The following KSR1 variants were observed in gnomAD, a reference collection of about 807,000 sequenced individuals.
The protein encoded by KSR1 is kinase suppressor of ras 1.
In KSR1, 35 loss-of-function variants were observed where a neutral mutation model predicts 92.9. That is an observed-to-expected ratio of 0.38 (90% confidence interval 0.29 to 0.50). KSR1 has a LOEUF of 0.50. Among genes scored for constraint, KSR1 ranks in the 20% least tolerant of loss-of-function variants. The pLI is 0.94. For synonymous variants in KSR1, 467 were observed against 472.6 expected (o/e 0.99, Z 0.15); for missense variants, 972 against 1,158.5 (o/e 0.84, Z 2.34).
At chr17:27,583,298 T>A (rs1452993266) in intron 4 of KSR1, among the ~76,000 whole-genome samples, 193 bp downstream of exon 4, 2 of 152,268 alleles carry the variant, frequency 1.3e-5, no homozygotes, top group African/African-American at 4.8e-5. Flanking sequence ...TTTGGTTTTG[T>A]ATGTACACGT....
chr17:27,606,462 A>G (rs1028658976), intron 14 of KSR1, among the ~76,000 whole-genome samples: 6 of 152,234 alleles, frequency 3.9e-5, no homozygotes, highest in African/African-American at 1.4e-4. Context: ...AAAAATACAA[A>G]GGAGAGATCA....
At chr17:27,581,003 G>A (rs1410699116) in intron 3 of KSR1, among the ~76,000 whole-genome samples, 2 of 152,146 alleles carry the variant, frequency 1.3e-5, no homozygotes, top group South Asian at 2.1e-4. Context: ...CTGACCTGGT[G>A]ATCTGCAGGA....
chr17:27,479,060 C>G (rs1033410749), intron 1 of KSR1, among the ~76,000 whole-genome samples: 13 of 150,202 alleles, frequency 8.7e-5, no homozygotes, highest in Non-Finnish European at 1.8e-4. Flanking sequence ...GCTCCTCCCT[C>G]CATCTATGCT....
At chr17:27,583,623 G>A (rs187749162) in intron 4 of KSR1, among the ~76,000 whole-genome samples, 4 of 152,188 alleles carry the variant, frequency 2.6e-5, no homozygotes, top group South Asian at 2.1e-4. Context: ...TTGCCCACAC[G>A]CCCAGGAGGG....
chr17:27,582,856 G>A lies in KSR1; in HGVS notation c.731G>A (p.Ser244Asn), dbSNP rs2072820597. 1 of 1,612,956 alleles carries A rather than the reference G, an allele frequency of 6.2e-7. No individual in the cohort carries two copies. Among genetic ancestry groups the A allele is most frequent in the South Asian group, 1.1e-5 (1 of 91,024 alleles). ...PASDSPTPSF[S>N]EGLSDTCIPL... ...TCAGACTCCCCCACCCCCAGCTTCA[G>A]TGAGGGCCTCTCAGACACCTGTATT... Residue 244 changes from serine to asparagine, a missense_variant, in exon 4 of 21, where the codon AGT becomes AAT. Coordinates refer to ENST00000644974, the MANE Select transcript of KSR1 (RefSeq NM_001394583.1).
intron 6 of KSR1, among the ~76,000 whole-genome samples, chr17:27,590,256 T>C (rs548227410): frequency 6.6e-6 from 1 of 152,376 alleles, no homozygotes; most frequent in African/African-American, 2.4e-5. Context: ...CATATCTTAT[T>C]GTACCTTACT....
intron 2 of KSR1, among the ~76,000 whole-genome samples, chr17:27,554,515 T>C (rs1333660435): frequency 6.6e-6 from 1 of 152,232 alleles, no homozygotes; most frequent in Non-Finnish European, 1.5e-5. Flanking sequence ...TGTTGTGAAC[T>C]GCACACGCGA....
rs200085439 is a variant in KSR1, at chr17:27,467,813, G to GTT, written c.231+10953_231+10954dup. Among the ~76,000 whole-genome samples the GTT allele has an allele frequency of 7.7e-3, 1,079 of 139,344 alleles. 17 individuals carry two copies. Among genetic ancestry groups the GTT allele is most frequent in the South Asian group, 0.014 (63 of 4,414 alleles). The allele number at this position is 139,344 out of a possible 152,430, so 91.4% of individuals were successfully genotyped here. A position where few individuals can be genotyped will look rare whatever the true frequency, so the allele number is the denominator to read the frequency against. On this transcript the variant is annotated intron_variant, in intron 1 of 20. Coordinates refer to ENST00000644974, the MANE Select transcript of KSR1 (RefSeq NM_001394583.1). ...ATGCCTAGGTCTGAGTTTATGTTTT[G>GTT]TTTTTTTTTTTTTTTGAGACGGAGT...
chr17:27,468,542 G>C (rs1178229979), intron 1 of KSR1, among the ~76,000 whole-genome samples: 2 of 152,172 alleles, frequency 1.3e-5, no homozygotes, highest in Non-Finnish European at 1.5e-5. Context: ...GGCCAATCTT[G>C]AGTGATCTAG....
In KSR1 at chr17:27,536,626, G is replaced by A. The variant is rs780893474; in HGVS notation, c.232-13942G>A. Among the ~76,000 whole-genome samples the A allele has an allele frequency of 3.1e-4, 47 of 152,314 alleles. 1 individual carries two copies. Among genetic ancestry groups the A allele is most frequent in the Non-Finnish European group, 6.2e-4 (42 of 68,026 alleles). Reference sequence around the variant, plus strand: ...CCTGCAAGATTGAGTGCAGATGCCTGAGTGTGGCATTCCAGGACCTTCTGG... The same window carrying A: ...CCTGCAAGATTGAGTGCAGATGCCTAAGTGTGGCATTCCAGGACCTTCTGG... On this transcript the variant is annotated intron_variant, in intron 1 of 20. Coordinates refer to ENST00000644974, the MANE Select transcript of KSR1 (RefSeq NM_001394583.1).
intron 1 of KSR1, among the ~76,000 whole-genome samples, chr17:27,539,091 TTTTGCCATTAGG>T (rs1246538521): frequency 4.6e-5 from 7 of 152,204 alleles, no homozygotes; most frequent in Non-Finnish European, 8.8e-5. Context: ...AGAAATCTAC[TTTTGCCATTAGG>T]TGCAGCCTCT....
At chr17:27,496,821 G>C (rs540862492) in intron 1 of KSR1, among the ~76,000 whole-genome samples, 1 of 152,338 alleles carries the variant, frequency 6.6e-6, no homozygotes, top group East Asian at 1.9e-4. Context: ...TGTCTTGGAG[G>C]GATACCGAGG....
intron 1 of KSR1, among the ~76,000 whole-genome samples, chr17:27,537,218 G>C (rs186397267): frequency 1.3e-5 from 2 of 152,312 alleles, no homozygotes; most frequent in Admixed American, 1.3e-4. Flanking sequence ...AACTGAATCA[G>C]GGTAGAACAA....
intron 12 of KSR1, among the ~76,000 whole-genome samples, chr17:27,604,476 G>T (rs942003172): frequency 2.0e-5 from 3 of 152,170 alleles, no homozygotes; most frequent in Non-Finnish European, 4.4e-5. Flanking sequence ...CCTCAAGTTA[G>T]CCTAGGGAAG....
chr17:27,474,932 A>G (rs986425957), intron 1 of KSR1, among the ~76,000 whole-genome samples: 4 of 152,160 alleles, frequency 2.6e-5, no homozygotes, highest in African/African-American at 9.7e-5. Flanking sequence ...ACACACACTA[A>G]GGAAAATGTG....
At chr17:27,462,116 C>T (rs1271142036) in intron 1 of KSR1, among the ~76,000 whole-genome samples, 3 of 152,176 alleles carry the variant, frequency 2.0e-5, no homozygotes, top group Admixed American at 2.0e-4. Context: ...GAAGAACGTG[C>T]TTGATCACCT....
chr17:27,509,955 A>C (rs2150999248), intron 1 of KSR1, among the ~76,000 whole-genome samples: 1 of 152,382 alleles, frequency 6.6e-6, no homozygotes, highest in South Asian at 2.1e-4. Context: ...AGAGGTGGGC[A>C]GACTTGGCTC....
Position 27,607,984 on chromosome 17 carries a change from A to C in KSR1, c.2065A>C (p.Arg689=). 6.2e-7 allele frequency: 1 copy of C among 1,609,948 alleles called. No individual in the cohort carries two copies. Among genetic ancestry groups the C allele is most frequent in the Non-Finnish European group, 8.5e-7 (1 of 1,178,164 alleles). The change falls in exon 15 of 21, where the codon AGG becomes CGG. Residue 689 remains arginine, a synonymous_variant. Transcript: ENST00000644974. ...PKTSLDINKT[R]QIAQEIIKGM... ...GACGTCTCTGGACATCAACAAGACG[A>C]GGCAAATCGCTCAGGAGATCATCAA... is the stretch of plus-strand genomic sequence containing the variant.
At chr17:27,492,685 G>A (rs548965525) in intron 1 of KSR1, among the ~76,000 whole-genome samples, 7 of 152,134 alleles carry the variant, frequency 4.6e-5, no homozygotes, top group South Asian at 4.1e-4. Context: ...CCCGGAATTC[G>A]AGGCATCCAT....
Sources: allele counts gnomAD v4.1 joint callset (sites outside exome capture counted in the v4.1 genomes callset), GRCh38; gene constraint gnomAD v4.1.1; transcripts MANE v1.5; gene names NCBI Gene and HGNC (gene_info 2026-07-23, HGNC 2026-07-21).